Variants in ADAMTS17 observed in about 807,000 individuals in gnomAD.
ADAMTS17 encodes A disintegrin and metalloproteinase with thrombospondin motifs 17.
In ADAMTS17, 113 loss-of-function variants were observed where a neutral mutation model predicts 141.5. The observed-to-expected ratio is 0.80, with a 90% CI of 0.69 to 0.93. The LOEUF (loss-of-function observed/expected upper bound fraction) is 0.93. Among genes scored for constraint, ADAMTS17 ranks in the 40% least tolerant of loss-of-function variants. ADAMTS17 has a pLI of 0.00. For missense variants in ADAMTS17, 1,659 were observed against 1,517.9 expected (o/e 1.09, Z -1.54); for synonymous variants, 768 against 630.6 (o/e 1.22, Z -3.27).
In ADAMTS17 at chr15:99,997,517, G is replaced by A. The variant is rs1241458658; in HGVS notation, c.2664C>T (p.Cys888=). 3.7e-6 allele frequency: 6 copies of A among 1,613,680 alleles called. No homozygotes were observed. The highest frequency in any genetic ancestry group is 3.4e-6 in the Non-Finnish European group (4 of 1,180,026). ...GTGTGCCGTTCTGCAGCTGGTACAC[G>A]CAGGTCACCTCCCGGTGCTGGAAGC... ...EKGFQHREVT[C]VYQLQNGTHV... Residue 888 remains cysteine, a synonymous_variant, in exon 19 of 22, where the codon TGC becomes TGT. Coordinates refer to ENST00000268070, the MANE Select transcript of ADAMTS17 (RefSeq NM_139057.4). This position sits in a 1 kb window ranked among gnomAD's most constrained non-coding sequence, Gnocchi z 4.7.
chr15:100,041,847 T>C (rs973915379), intron 18 of ADAMTS17, among the ~76,000 whole-genome samples: 2 of 151,890 alleles, frequency 1.3e-5, no homozygotes, highest in African/African-American at 4.8e-5. Flanking sequence ...GGAAAAAGGG[T>C]TGAAGAAAAT....
At chr15:100,046,221 C>T (rs2141562592) in intron 18 of ADAMTS17, among the ~76,000 whole-genome samples, 1 of 152,274 alleles carries the variant, frequency 6.6e-6, no homozygotes, top group South Asian at 2.1e-4. Flanking sequence ...ATACTGTCTC[C>T]AGAGTTCTTA....
intron 13 of ADAMTS17, among the ~76,000 whole-genome samples, chr15:100,116,588 T>C (rs937225369): frequency 2.0e-5 from 3 of 152,212 alleles, no homozygotes; most frequent in Non-Finnish European, 4.4e-5. Context: ...CACAGCCTCC[T>C]CGCTACAAAT....
chr15:100,088,036 AG>A (rs1436876287), intron 15 of ADAMTS17, among the ~76,000 whole-genome samples: 1 of 152,232 alleles, frequency 6.6e-6, no homozygotes, highest in African/African-American at 2.4e-5. Context: ...TTAGGAAAAG[AG>A]GAAGTCAAAT....
rs529434189 is a variant in ADAMTS17 at position 99,974,934 on chromosome 15, C to T, written c.3128-372G>A. On this transcript the variant is annotated intron_variant, in intron 21 of 21. Transcript: ENST00000268070. Reference sequence around the variant, plus strand: ...TGGAACAGTGGACATCAAAGGACCCCAAAAAGCATGAGGTCCAAGTACATA... The same window carrying T: ...TGGAACAGTGGACATCAAAGGACCCTAAAAAGCATGAGGTCCAAGTACATA... Among the ~76,000 whole-genome samples, 2 of 152,260 alleles carry T rather than the reference C, an allele frequency of 1.3e-5. 1 individual carries two copies. Among genetic ancestry groups the T allele is most frequent in the South Asian group, 4.1e-4 (2 of 4,824 alleles).
intron 7 of ADAMTS17, 125 bp from the exon 8 acceptor site, chr15:100,199,548 G>T: frequency 1.2e-6 from 1 of 814,920 alleles, no homozygotes; most frequent in Non-Finnish European, 2.2e-6. Flanking sequence ...GTGACTATGA[G>T]CCTCAGCCCA....
intron 10 of ADAMTS17, 135 bp downstream of exon 10, chr15:100,152,477 C>T: frequency 8.5e-7 from 1 of 1,179,572 alleles, no homozygotes; most frequent in South Asian, 1.3e-5. Context: ...TGTGCATATA[C>T]ATGTATACCT....
chr15:100,133,596 G>A (rs2038171440), intron 10 of ADAMTS17, among the ~76,000 whole-genome samples: 1 of 152,174 alleles, frequency 6.6e-6, no homozygotes, highest in Non-Finnish European at 1.5e-5. Context: ...GATATCAGAG[G>A]CACAGCCCTG....
chr15:100,183,634 A>T (rs933525789), intron 8 of ADAMTS17, among the ~76,000 whole-genome samples: 1 of 152,156 alleles, frequency 6.6e-6, no homozygotes, highest in Non-Finnish European at 1.5e-5. Flanking sequence ...GTGCCAGCTG[A>T]CTGATTTTTC....
At position 100,308,021 on chromosome 15, in the gene ADAMTS17, C is replaced by T. The variant is rs1223654346; in HGVS notation, c.616+22868G>A. ...TCCTGCCAAAAACGTCTCCACTTTA[C>T]AGAATTTACTCCAGCTTCCTTTAAA... On this transcript the variant is annotated intron_variant, in intron 3 of 21. Coordinates refer to ENST00000268070, the MANE Select transcript of ADAMTS17 (RefSeq NM_139057.4). Among the ~76,000 whole-genome samples the T allele has an allele frequency of 2.0e-5, 3 of 152,268 alleles. No individual in the cohort carries two copies. The East Asian group carries it at 5.8e-4, about 29-fold the overall frequency.
chr15:100,014,072 G>A (rs1030407696), intron 18 of ADAMTS17, among the ~76,000 whole-genome samples: 1 of 151,958 alleles, frequency 6.6e-6, no homozygotes, highest in African/African-American at 2.4e-5. Context: ...GCTTGTTATT[G>A]GTCTGTTCAG....
At chr15:100,235,906 G>A (rs1290463090) in intron 7 of ADAMTS17, among the ~76,000 whole-genome samples, 3 of 152,266 alleles carry the variant, frequency 2.0e-5, no homozygotes, top group South Asian at 4.1e-4. Flanking sequence ...AGCAGAGCTG[G>A]GATCTGAACC....
intron 18 of ADAMTS17, among the ~76,000 whole-genome samples, chr15:100,020,960 G>A (rs916085271): frequency 3.3e-5 from 5 of 152,068 alleles, no homozygotes; most frequent in Non-Finnish European, 7.4e-5. Context: ...TGGGAGCTTC[G>A]CTGTTCTCCC....
chr15:100,236,431 C>T (rs896706950), intron 7 of ADAMTS17, among the ~76,000 whole-genome samples: 1 of 152,048 alleles, frequency 6.6e-6, no homozygotes, highest in African/African-American at 2.4e-5. Context: ...GAGGTCCAGC[C>T]GGCTATGTTT....
chr15:100,035,138 A>T (rs1427971696), intron 18 of ADAMTS17, among the ~76,000 whole-genome samples: 1 of 152,178 alleles, frequency 6.6e-6, no homozygotes, highest in Non-Finnish European at 1.5e-5. Flanking sequence ...CAAAAGAGCA[A>T]TACCTTTGAA....
intron 18 of ADAMTS17, among the ~76,000 whole-genome samples, chr15:100,007,710 G>A (rs1206246004): frequency 1.3e-5 from 2 of 152,112 alleles, no homozygotes; most frequent in African/African-American, 4.8e-5. Flanking sequence ...TGCGGTGGAA[G>A]GGTGGCGCTG....
intron 7 of ADAMTS17, among the ~76,000 whole-genome samples, chr15:100,222,966 T>C (rs1418853973): frequency 1.3e-5 from 2 of 152,238 alleles, no homozygotes. Context: ...TCCTGGGATT[T>C]AATTCTACGA....
intron 15 of ADAMTS17, among the ~76,000 whole-genome samples, chr15:100,059,516 G>T (rs1301248573): frequency 2.6e-5 from 4 of 152,194 alleles, no homozygotes; most frequent in African/African-American, 9.7e-5. Flanking sequence ...TTTGCAATTT[G>T]CCGTGGTCCA....
intron 4 of ADAMTS17, among the ~76,000 whole-genome samples, chr15:100,275,132 C>A (rs1256602967): frequency 6.6e-6 from 1 of 152,160 alleles, no homozygotes; most frequent in Non-Finnish European, 1.5e-5. Flanking sequence ...GACATTTGCA[C>A]AGAGTCCTAA....
Sources: allele counts gnomAD v4.1 joint callset (sites outside exome capture counted in the v4.1 genomes callset), GRCh38; gene constraint gnomAD v4.1.1; non-coding constraint Gnocchi (gnomAD v3.1); transcripts MANE v1.5; gene names NCBI Gene and HGNC (gene_info 2026-07-23, HGNC 2026-07-21).